Variants in CEP135 observed in about 807,000 individuals in gnomAD.
CEP135 encodes centrosomal protein 135.
Under a neutral mutation model 157.3 loss-of-function variants are expected in CEP135, and 142 were observed. That is an observed-to-expected ratio of 0.90 (90% CI 0.79 to 1.04). CEP135 has a LOEUF of 1.04. Among genes scored for constraint, CEP135 ranks in the 50% least tolerant of loss-of-function variants. CEP135 has a pLI of 0.00. For synonymous variants in CEP135, 396 were observed against 439.8 expected (o/e 0.90, Z 1.25); for missense variants, 1,317 against 1,309.2 (o/e 1.01, Z -0.09).
chr4:55,985,801 A>G (rs1228436776), intron 14 of CEP135, among the ~76,000 whole-genome samples: 4 of 152,090 alleles, frequency 2.6e-5, no homozygotes, highest in African/African-American at 9.7e-5. Flanking sequence ...ATAGCTGGGC[A>G]TGGTGGTGCA....
At chr4:56,025,767 A>G (rs1731138321) in intron 25 of CEP135, among the ~76,000 whole-genome samples, 1 of 152,184 alleles carries the variant, frequency 6.6e-6, no homozygotes, top group African/African-American at 2.4e-5. Flanking sequence ...CAGGATTAGT[A>G]TAATAACATT....
Position 56,017,698 on chromosome 4 carries a change from A to C in CEP135, c.2853A>C (p.Lys951Asn). 6.2e-7 allele frequency: 1 copy of C among 1,613,820 alleles called. No individual in the cohort carries two copies. The highest frequency in any genetic ancestry group is 8.5e-7 in the Non-Finnish European group (1 of 1,179,958). Residue 951 changes from lysine (K) to asparagine (N), a missense_variant, in exon 22 of 26, where the codon AAA becomes AAC. Lys to Asn is a moderately conservative substitution (Grantham distance 94). Coordinates refer to ENST00000257287, the MANE Select transcript of CEP135 (RefSeq NM_025009.5). ...AATCTCAGATCTCATCAATGGCAAA[A>C]GCCATGTCTCGATTAGAAGAAGAGC... is the stretch of plus-strand genomic sequence containing the variant. The part of the protein sequence containing the change: ...AYESQISSMA[K>N]AMSRLEEELR...
chr4:55,949,811 A>T (rs961527353), intron 1 of CEP135, among the ~76,000 whole-genome samples: 3 of 152,158 alleles, frequency 2.0e-5, no homozygotes, highest in African/African-American at 7.2e-5. Context: ...ATGGGTGGGG[A>T]CGGCCTAACA....
chr4:56,023,221 CA>C lies in CEP135; in HGVS notation c.3321-1269del, dbSNP rs566037398. Reference sequence around the variant, plus strand: ...TGGGCAATAGAGCAAGTCCCTGTCACAAAAAAAAAAAGAGAGAATTAGTAAC... The same window carrying C: ...TGGGCAATAGAGCAAGTCCCTGTCACAAAAAAAAAAGAGAGAATTAGTAAC... On this transcript the variant is annotated intron_variant, in intron 24 of 25. Coordinates refer to ENST00000257287, the MANE Select transcript of CEP135 (RefSeq NM_025009.5). Among the ~76,000 whole-genome samples, 506 of 138,800 alleles carry C rather than the reference CA, an allele frequency of 3.6e-3. 5 individuals are homozygous for C. The highest frequency in any genetic ancestry group is 0.015 in the Middle Eastern group (4 of 266). The allele number at this position is 138,800 out of a possible 152,430, so 91.1% of individuals were successfully genotyped here.
chr4:55,969,295 C>T (rs370967905), intron 9 of CEP135, among the ~76,000 whole-genome samples, 167 bp downstream of exon 9: 37 of 152,064 alleles, frequency 2.4e-4, no homozygotes, highest in East Asian at 3.9e-4. Context: ...GGAGTGGTGG[C>T]GCATGCCTGT....
At chr4:56,003,843 C>T (rs1292848636) in intron 17 of CEP135, among the ~76,000 whole-genome samples, 1 of 152,026 alleles carries the variant, frequency 6.6e-6, no homozygotes, top group Admixed American at 6.5e-5. Context: ...ACCTCAGCCT[C>T]CCAATTAGCT....
At position 55,961,484 on chromosome 4, in the gene CEP135, G is replaced by A. The variant is rs1017080416; in HGVS notation, c.699+1718G>A. Reference sequence around the variant, plus strand: ...CCAATTTATATAATACCCATCTTTGGCCGGGCACGGTGGCTCACACCTGTA... The same window carrying A: ...CCAATTTATATAATACCCATCTTTGACCGGGCACGGTGGCTCACACCTGTA... On this transcript the variant is annotated intron_variant, in intron 6 of 25. Transcript: ENST00000257287. Among the ~76,000 whole-genome samples, 19 of 151,790 alleles carry A rather than the reference G, an allele frequency of 1.3e-4. 2 individuals are homozygous for A. The highest frequency in any genetic ancestry group is 9.9e-4 in the Admixed American group (15 of 15,214).
At chr4:56,007,073 T>C (rs1730371634) in intron 17 of CEP135, among the ~76,000 whole-genome samples, 1 of 152,056 alleles carries the variant, frequency 6.6e-6, no homozygotes. Context: ...TTTGTATTTT[T>C]AGTAGAGATG....
chr4:56,032,216 G>C lies in CEP135; in HGVS notation c.*868G>C, dbSNP rs1161974552. 6.6e-6 allele frequency: 1 copy of C among 152,184 alleles called. No homozygotes were observed. Among genetic ancestry groups the C allele is most frequent in the African/African-American group, 2.4e-5 (1 of 41,402 alleles). The allele number at this position is 152,184 out of a possible 1,614,324, so 9.4% of individuals were successfully genotyped here. A position where few individuals can be genotyped will look rare whatever the true frequency, so the allele number is the denominator to read the frequency against. On this transcript the variant is annotated 3_prime_UTR_variant, in exon 26 of 26. Coordinates refer to ENST00000257287, the MANE Select transcript of CEP135 (RefSeq NM_025009.5). ...TCCCAGCACTTTGGGAGGCCGAGGC[G>C]AGTGGATTTCCTAAGGTCAGGAGTT...
At chr4:55,969,241 A>T (rs1728938450) in intron 9 of CEP135, 113 bp downstream of exon 9, 6 of 759,578 alleles carry the variant, frequency 7.9e-6, no homozygotes, top group Non-Finnish European at 1.3e-5. Context: ...AGCCACATCA[A>T]CATGGCGAAA....
intron 17 of CEP135, among the ~76,000 whole-genome samples, chr4:56,004,556 A>G (rs1047376171): frequency 3.3e-5 from 5 of 152,164 alleles, no homozygotes; most frequent in African/African-American, 1.2e-4. Flanking sequence ...TTTTAGATCT[A>G]TTAATGTTTG....
intron 15 of CEP135, among the ~76,000 whole-genome samples, chr4:55,993,363 T>TA (rs1729859332): frequency 6.6e-6 from 1 of 152,250 alleles, no homozygotes; most frequent in African/African-American, 2.4e-5. Flanking sequence ...TCTGATTGTC[T>TA]AATGACTTAA....
chr4:55,988,961 G>A (rs200716994), intron 14 of CEP135, among the ~76,000 whole-genome samples: 87 of 147,600 alleles, frequency 5.9e-4, no homozygotes, highest in East Asian at 2.2e-3. Flanking sequence ...GCAAGACTCC[G>A]TCTCGAAAAA....
At position 56,015,211 on chromosome 4, in the gene CEP135, G is replaced by T. The variant is rs561523398; in HGVS notation, c.2803-2437G>T. 3.3e-5 allele frequency among the ~76,000 whole-genome samples: 5 copies of T among 152,330 alleles called. No homozygotes were observed. In the East Asian group the frequency reaches 9.6e-4, roughly 29 times the overall value. On this transcript the variant is annotated intron_variant, in intron 21 of 25. Transcript: ENST00000257287. The stretch of plus-strand genomic sequence containing the variant: ...AGCAGAATCACTTCCAGCTTTGACT[G>T]AAAGGAACAGAAATGGGATGAAAAG...
intron 1 of CEP135, among the ~76,000 whole-genome samples, chr4:55,950,095 C>T (rs758092484): frequency 6.9e-6 from 1 of 144,020 alleles, no homozygotes; most frequent in Non-Finnish European, 1.5e-5. Context: ...TTAGGTGTCT[C>T]TTGTGGAAAG....
intron 1 of CEP135, among the ~76,000 whole-genome samples, chr4:55,951,200 A>T (rs1728352320): frequency 6.6e-6 from 1 of 152,214 alleles, no homozygotes; most frequent in African/African-American, 2.4e-5. Flanking sequence ...TACTATGAGT[A>T]AAGCTGTGAA....
chr4:55,974,683 T>G, intron 10 of CEP135, 63 bp from the exon 11 acceptor site: 2 of 1,210,710 alleles, frequency 1.7e-6, no homozygotes, highest in Non-Finnish European at 2.3e-6. Flanking sequence ...TAATATAATT[T>G]ACTTGACTAA....
intron 21 of CEP135, among the ~76,000 whole-genome samples, chr4:56,014,846 C>T (rs1730716192): frequency 6.6e-6 from 1 of 151,990 alleles, no homozygotes; most frequent in East Asian, 1.9e-4. Context: ...AAAAACTACG[C>T]TCAGGAGTTC....
chr4:56,003,900 T>C (rs973077744), intron 17 of CEP135, among the ~76,000 whole-genome samples: 1 of 152,072 alleles, frequency 6.6e-6, no homozygotes, highest in Non-Finnish European at 1.5e-5. Flanking sequence ...TTTAATTTTT[T>C]TGTAGAGACG....
Sources: gnomAD v4.1 joint callset for allele counts (sites outside exome capture counted in the v4.1 genomes callset) on GRCh38, gnomAD v4.1.1 for gene constraint, MANE v1.5 for transcripts, NCBI Gene and HGNC (gene_info 2026-07-23, HGNC 2026-07-21) for gene names.